ATP13A2: variants seen among roughly 807,000 people sequenced by gnomAD.
The protein encoded by ATP13A2 is ATPase cation transporting 13A2, also known as polyamine-transporting ATPase 13A2.
Under a neutral mutation model 138.3 loss-of-function variants are expected in ATP13A2, and 83 were observed. The ratio of observed to expected loss-of-function variants is 0.60; its 90% confidence interval spans 0.50 to 0.72. The LOEUF is 0.72. Ranked by LOEUF, ATP13A2 falls within the 30% of genes least tolerant of loss-of-function variation. The pLI is 0.00. For missense variants in ATP13A2, 1,402 were observed against 1,606.4 expected (o/e 0.87, Z 2.17); for synonymous variants, 663 against 699.0 (o/e 0.95, Z 0.81).
chr1:16,986,189 G>A lies in ATP13A2; in HGVS notation c.*32C>T. 3 of 1,612,816 alleles carry A rather than the reference G, an allele frequency of 1.9e-6. No homozygotes were observed. Among genetic ancestry groups the A allele is most frequent in the South Asian group, 1.1e-5 (1 of 90,714 alleles). On this transcript the variant is annotated 3_prime_UTR_variant, in exon 29 of 29. Coordinates refer to ENST00000326735, the MANE Select transcript of ATP13A2 (RefSeq NM_022089.4). This position sits in a 1 kb window ranked among gnomAD's most constrained non-coding sequence, Gnocchi z 6.9. ...CCAGTTGGTGGCTCAGAGGCAGGGA[G>A]TTCCAGTGTCTGGGGTGCCCGTGGG... is the stretch of plus-strand genomic sequence containing the variant.
At chr1:16,997,704 T>C (rs2077193091) in intron 11 of ATP13A2, among the ~76,000 whole-genome samples, 1 of 151,720 alleles carries the variant, frequency 6.6e-6, no homozygotes, top group Admixed American at 6.6e-5. Flanking sequence ...AGCCGGGTGT[T>C]GTGGTGGGCA....
rs1179611189 is a variant in ATP13A2, at chr1:16,991,807, G to T, written c.2178C>A (p.Asn726Lys). 1.2e-6 allele frequency: 2 copies of T among 1,614,170 alleles called. No homozygotes were observed. Among genetic ancestry groups the T allele is most frequent in the East Asian group, 2.2e-5 (1 of 44,870 alleles). Residue 726 changes from asparagine (N) to lysine (K), a missense_variant, in exon 20 of 29, where the codon AAC becomes AAA. By Grantham distance (94) the Asn-to-Lys change is moderately conservative. Coordinates refer to ENST00000326735, the MANE Select transcript of ATP13A2 (RefSeq NM_022089.4). ...CTGGCGTTGTCTGCGGCTTCAGTAG[G>T]TTCCTCATGACCAGCAGCCCCAGGA... is the stretch of plus-strand genomic sequence containing the variant. ...LSLLGLLVMR[N>K]LLKPQTTPVI...
intron 1 of ATP13A2, among the ~76,000 whole-genome samples, chr1:17,009,238 C>A (rs946307934): frequency 6.6e-6 from 1 of 152,094 alleles, no homozygotes; most frequent in Non-Finnish European, 1.5e-5. Context: ...GTGTCACTGC[C>A]CTTACTGCTC....
chr1:17,000,193 T>TGGGC, intron 10 of ATP13A2, 51 bp from the exon 11 acceptor site: 2 of 1,547,682 alleles, frequency 1.3e-6, no homozygotes, highest in African/African-American at 1.4e-5. Context: ...GCCCCAGCCA[T>TGGGC]GCCCCCCCAC....
At chr1:16,993,525 G>A in intron 16 of ATP13A2, 104 bp downstream of exon 16, 1 of 1,111,350 alleles carries the variant, frequency 9.0e-7, no homozygotes, top group Non-Finnish European at 1.3e-6. Flanking sequence ...ATTAATGGTG[G>A]GCATAATAAG....
At position 16,991,752 on chromosome 1, in the gene ATP13A2, G is replaced by A. The variant is rs775140060; in HGVS notation, c.2233C>T (p.Arg745Cys). ...ATTGTACCTGTCACCATGACGGCGC[G>A]GATGCGGGTCCTTCGCAGAGCCTGG... Reference protein sequence around the residue: ...VIQALRRTRIRAVMVTGDNLQ... With the variant: ...VIQALRRTRICAVMVTGDNLQ... The change falls in exon 20 of 29, where the codon CGC (arginine) becomes TGC (cysteine). Residue 745 changes from arginine (R) to cysteine (C), a missense_variant. Transcript: ENST00000326735. The A allele has an allele frequency of 2.4e-5, 38 of 1,614,010 alleles. No homozygotes were observed. Among genetic ancestry groups the A allele is most frequent in the Non-Finnish European group, 2.8e-5 (33 of 1,180,044 alleles).
At position 16,987,296 on chromosome 1, in the gene ATP13A2, G is replaced by T. The variant is rs779406515; in HGVS notation, c.2860-27C>A. On this transcript the variant is annotated intron_variant, in intron 25 of 28. Coordinates refer to ENST00000326735, the MANE Select transcript of ATP13A2 (RefSeq NM_022089.4). ...TGCCACAGGGAAGGGAGGACAGAGGGGAAACTAAGACCTGGCCCTGGCAGC... is the reference window on the plus strand; with the variant it reads ...TGCCACAGGGAAGGGAGGACAGAGGTGAAACTAAGACCTGGCCCTGGCAGC... 6 of 1,609,178 alleles carry T rather than the reference G, an allele frequency of 3.7e-6. No homozygotes were observed. In the Admixed American group the frequency reaches 1.0e-4, roughly 27 times the overall value.
rs2077479178 is a variant in ATP13A2 at position 17,004,554 on chromosome 1, A to G, written c.477+138T>C. 1 of 1,567,418 alleles carries G rather than the reference A, an allele frequency of 6.4e-7. No homozygotes were observed. The highest frequency in any genetic ancestry group is 1.4e-5 in the African/African-American group (1 of 73,870). On this transcript the variant is annotated intron_variant, in intron 5 of 28. Transcript: ENST00000326735. The surrounding 1 kb of genome is among the most constrained non-coding windows in gnomAD (Gnocchi z 4.1). ...GAGGTGGGGAGAGGCCTGAAAGTGT[A>G]AACGTGCTCAGACAGCATCCTGGAT...
chr1:17,010,711 G>A (rs952347417), intron 1 of ATP13A2, among the ~76,000 whole-genome samples: 2 of 152,208 alleles, frequency 1.3e-5, no homozygotes, highest in African/African-American at 4.8e-5. Flanking sequence ...ACAGCTATGA[G>A]GGGCCAAGAC....
At position 17,004,772 on chromosome 1, in the gene ATP13A2, C is replaced by A; in HGVS notation, c.397G>T (p.Ala133Ser). The change falls in exon 5 of 29, where the codon GCA becomes TCA. Residue 133 changes from alanine to serine, a missense_variant. Ala to Ser is a moderately conservative substitution (Grantham distance 99, BLOSUM62 1). Transcript: ENST00000326735. The surrounding 1 kb of genome is among the most constrained non-coding windows in gnomAD (Gnocchi z 4.1). ...GCACCCTCTGGTACCGCCCCAACTG[C>A]CGCCTGGCTCCGGCCATCCTCTGCC... ...SQAEDGRSQAAVGAVPEGAWK... is the reference protein window; with the variant it reads ...SQAEDGRSQASVGAVPEGAWK... 6.2e-7 allele frequency: 1 copy of A among 1,614,024 alleles called. No individual in the cohort carries two copies. The highest frequency in any genetic ancestry group is 8.5e-7 in the Non-Finnish European group (1 of 1,180,022).
In ATP13A2 at chr1:17,000,301, A is replaced by G. The variant is rs1247980270; in HGVS notation, c.852T>C (p.Thr284=). 6.3e-7 allele frequency: 1 copy of G among 1,581,206 alleles called. No homozygotes were observed. The highest frequency in any genetic ancestry group is 8.6e-7 in the Non-Finnish European group (1 of 1,163,488). ...SLYKTRKQSQ[T]LRDMVKLSMR... ...TGGACAACTTGACCATGTCCCTTAG[A>G]GTCTGGCTTTGCTGTGGGCAGGGGA... is the stretch of plus-strand genomic sequence containing the variant. The change falls in exon 10 of 29, where the codon ACT becomes ACC. Residue 284 remains threonine (T), a synonymous_variant. Transcript: ENST00000326735.
At chr1:16,991,468 G>A (rs1033083403) in intron 20 of ATP13A2, among the ~76,000 whole-genome samples, 4 of 152,186 alleles carry the variant, frequency 2.6e-5, no homozygotes, top group African/African-American at 9.7e-5. Flanking sequence ...GGTGCCACCT[G>A]GAACCCAGGC....
intron 1 of ATP13A2, among the ~76,000 whole-genome samples, chr1:17,010,896 G>A (rs2076600): frequency 0.33 from 50,340 of 151,938 alleles, 8,832 homozygotes; most frequent in East Asian, 0.54. Context: ...TCCCGGCGGC[G>A]GGGAGCTCCT....
In ATP13A2 at chr1:16,986,959, G is replaced by A. The variant is rs7531163; in HGVS notation, c.3084-3C>T. 401,905 of 1,613,342 alleles carry A rather than the reference G, an allele frequency of 0.25. 53,206 individuals carry two copies. The highest frequency in any genetic ancestry group is 0.54 in the East Asian group (24,026 of 44,762). The stretch of plus-strand genomic sequence containing the variant: ...CTGTCCTGTTCAGAGGCACGAACCT[G>A]GGGGTACAGGGATGGGGGTCAGGGA... On this transcript the variant is annotated splice_polypyrimidine_tract_variant and splice_region_variant and intron_variant, in intron 26 of 28. Transcript: ENST00000326735. This position sits in a 1 kb window ranked among gnomAD's most constrained non-coding sequence, Gnocchi z 6.9.
At chr1:17,008,718 A>G (rs1003229700) in intron 1 of ATP13A2, among the ~76,000 whole-genome samples, 3 of 151,928 alleles carry the variant, frequency 2.0e-5, no homozygotes, top group Non-Finnish European at 4.4e-5. Flanking sequence ...TGGGAGCCCA[A>G]GGGGGGCGGA....
At position 16,992,475 on chromosome 1, in the gene ATP13A2, C is replaced by T. The variant is rs907326684; in HGVS notation, c.1845+11G>A. On this transcript the variant is annotated intron_variant, in intron 17 of 28. Transcript: ENST00000326735. ...CTCTGCCCTGCACCCAACAGGCCCC[C>T]CTCAGCTCACCATTGCCTGCAGCTG... is the stretch of plus-strand genomic sequence containing the variant. 1 of 1,613,958 alleles carries T rather than the reference C, an allele frequency of 6.2e-7. No homozygotes were observed. The highest frequency in any genetic ancestry group is 1.3e-5 in the African/African-American group (1 of 74,960).
chr1:17,004,849 G>A lies in ATP13A2; in HGVS notation c.348-28C>T, dbSNP rs753840691. The A allele has an allele frequency of 2.5e-6, 4 of 1,613,456 alleles. No homozygotes were observed. The highest frequency in any genetic ancestry group is 2.2e-5 in the South Asian group (2 of 91,072). On this transcript the variant is annotated intron_variant, in intron 4 of 28. Coordinates refer to ENST00000326735, the MANE Select transcript of ATP13A2 (RefSeq NM_022089.4). This position sits in a 1 kb window ranked among gnomAD's most constrained non-coding sequence, Gnocchi z 4.1. ...GGGGAAGCAGGTGAGGGTTACTCTC[G>A]AGCTCTGGGAGCTGCCCTGGCACCT...
rs756516383 is a variant in ATP13A2, at chr1:16,992,368, C to T, written c.1880G>A (p.Arg627His). 2.7e-5 allele frequency: 43 copies of T among 1,613,318 alleles called. No individual in the cohort carries two copies. The highest frequency in any genetic ancestry group is 5.3e-5 in the African/African-American group (4 of 74,942). The part of the protein sequence containing the change: ...EPPVPVSVLH[R>H]FPFSSALQRM... ...CTGCAGAGCCGAAGAGAAGGGGAAGCGGTGGAGGACGCTGACTGGCACCGG... is the reference window on the plus strand; with the variant it reads ...CTGCAGAGCCGAAGAGAAGGGGAAGTGGTGGAGGACGCTGACTGGCACCGG... Residue 627 changes from arginine to histidine, a missense_variant, in exon 18 of 29, where the codon CGC (arginine) becomes CAC (histidine). Transcript: ENST00000326735.
chr1:16,996,185 T>C, intron 14 of ATP13A2, 21 bp from the exon 15 acceptor site: 6 of 1,614,152 alleles, frequency 3.7e-6, no homozygotes, highest in Non-Finnish European at 4.2e-6. Flanking sequence ...GCACCATGAA[T>C]GTGAGCACCT....
Sources: gnomAD v4.1 joint callset for allele counts (sites outside exome capture counted in the v4.1 genomes callset) on GRCh38, gnomAD v4.1.1 for gene constraint, Gnocchi (gnomAD v3.1) non-coding constraint, MANE v1.5 for transcripts, NCBI Gene and HGNC (gene_info 2026-07-23, HGNC 2026-07-21) for gene names.